Variants in CLASP2 observed in about 807,000 individuals in gnomAD.
The protein encoded by CLASP2 is CLIP-associating protein 2.
Under a neutral mutation model 194.4 loss-of-function variants are expected in CLASP2, and 47 were observed. The observed-to-expected ratio is 0.24, with a 90% confidence interval of 0.19 to 0.31. CLASP2 has a LOEUF of 0.31. CLASP2 is among the 10% of genes least tolerant of loss of function. CLASP2 has a pLI of 1.00. For synonymous variants in CLASP2, 619 were observed against 633.5 expected (o/e 0.98, Z 0.34); for missense variants, 1,445 against 1,823.6 (o/e 0.79, Z 3.78).
At position 33,689,911 on chromosome 3, in the gene CLASP2, C is replaced by G; in HGVS notation, c.296G>C (p.Arg99Thr). The G allele has an allele frequency of 6.3e-7, 1 of 1,592,864 alleles. No individual in the cohort carries two copies. The highest frequency in any genetic ancestry group is 8.5e-7 in the Non-Finnish European group (1 of 1,170,034). ...VAMVIVALID[R>T]MGDAKDKVRD... ...AACCTTGTCTTTGGCATCTCCCATT[C>G]TGTCTATTAAAGCTACAATAACTAA... The change falls in exon 3 of 39, where the codon AGA (arginine) becomes ACA (threonine). Residue 99 changes from arginine to threonine, a missense_variant. Physicochemically the swap from Arg to Thr is moderately conservative, Grantham distance 71 (BLOSUM62 -1). Around this residue, in one of 4 missense-constraint regions of CLASP2, gnomAD observed 332 missense variants for 325.3 expected, o/e 1.02. Transcript: ENST00000682230.
intron 34 of CLASP2, among the ~76,000 whole-genome samples, chr3:33,532,302 T>G (rs1437679510): frequency 1.3e-5 from 2 of 152,150 alleles, no homozygotes; most frequent in African/African-American, 4.8e-5. Context: ...ACTCCACTTA[T>G]AGAGTACTTA....
At chr3:33,558,620 C>A (rs12106734) in intron 29 of CLASP2, 1 of 150,858 alleles carries the variant, frequency 6.6e-6, no homozygotes, top group South Asian at 2.1e-4. Context: ...ATTTAGTTTT[C>A]ATATTAACTG....
At chr3:33,559,689 G>C (rs1034861192) in intron 28 of CLASP2, among the ~76,000 whole-genome samples, 1 of 152,180 alleles carries the variant, frequency 6.6e-6, no homozygotes, top group Admixed American at 6.5e-5. Context: ...GAGGTCAGGA[G>C]TTCGAGACCA....
chr3:33,574,661 T>C (rs2064457884), intron 24 of CLASP2, among the ~76,000 whole-genome samples: 1 of 152,194 alleles, frequency 6.6e-6, no homozygotes, highest in South Asian at 2.1e-4. Flanking sequence ...TCTTTAATCT[T>C]GTCAATATTC....
chr3:33,638,664 G>T (rs764173185), intron 8 of CLASP2, among the ~76,000 whole-genome samples: 10 of 152,112 alleles, frequency 6.6e-5, no homozygotes, highest in Non-Finnish European at 1.3e-4. Flanking sequence ...GAAATGATCA[G>T]TTGATGAAAA....
intron 8 of CLASP2, among the ~76,000 whole-genome samples, chr3:33,634,459 A>G (rs1419431046): frequency 2.0e-5 from 3 of 152,232 alleles, no homozygotes; most frequent in African/African-American, 7.2e-5. Context: ...CTGTGTTTCA[A>G]TAAAACTTTA....
Position 33,635,562 on chromosome 3 carries a change from A to G in CLASP2, c.863-3191T>C, listed in dbSNP as rs548426717. ...TTTTAGTGCAGGGATAGACCAACTA[A>G]CCAAATAAATAAAATGGAAAGTTCA... On this transcript the variant is annotated intron_variant, in intron 8 of 38. Transcript: ENST00000682230. Among the ~76,000 whole-genome samples the G allele has an allele frequency of 2.6e-5, 4 of 152,304 alleles. No homozygotes were observed. The East Asian group carries it at 7.7e-4, about 29-fold the overall frequency.
intron 9 of CLASP2, among the ~76,000 whole-genome samples, chr3:33,628,704 A>G (rs2078501142): frequency 6.6e-6 from 1 of 152,230 alleles, no homozygotes; most frequent in African/African-American, 2.4e-5. Context: ...GGAACTCAGG[A>G]GAGGTCTGGC....
At chr3:33,573,938 T>A (rs2064284083) in intron 24 of CLASP2, among the ~76,000 whole-genome samples, 1 of 152,162 alleles carries the variant, frequency 6.6e-6, no homozygotes, top group South Asian at 2.1e-4. Flanking sequence ...CTACTATTAT[T>A]TTAAGGAGGC....
intron 25 of CLASP2, among the ~76,000 whole-genome samples, chr3:33,571,342 G>T (rs996122707): frequency 6.6e-6 from 1 of 151,614 alleles, no homozygotes; most frequent in African/African-American, 2.4e-5. Context: ...CAAAACAGCT[G>T]CAATGGTCGG....
chr3:33,555,945 A>G (rs1005707066), intron 29 of CLASP2, among the ~76,000 whole-genome samples: 2 of 152,180 alleles, frequency 1.3e-5, no homozygotes, highest in African/African-American at 4.8e-5. Flanking sequence ...TTGAACATGT[A>G]TATTTATTAG....
At chr3:33,522,317 C>T (rs1229026850) in intron 34 of CLASP2, among the ~76,000 whole-genome samples, 2 of 135,926 alleles carry the variant, frequency 1.5e-5, no homozygotes, top group Admixed American at 8.0e-5. Flanking sequence ...GGTACAGGCT[C>T]AGAAAGGATC....
At chr3:33,665,125 A>G (rs72858348) in intron 6 of CLASP2, among the ~76,000 whole-genome samples, 4,177 of 152,016 alleles carry the variant, frequency 0.027, 77 homozygotes, top group Admixed American at 0.064. Flanking sequence ...AGAAAGAAAG[A>G]AAGGAGAGGA....
chr3:33,519,224 A>G (rs1189663570), intron 34 of CLASP2, among the ~76,000 whole-genome samples: 2 of 152,200 alleles, frequency 1.3e-5, no homozygotes, highest in Admixed American at 6.5e-5. Flanking sequence ...AAACTTTTAT[A>G]TGAATCTTTC....
chr3:33,581,914 T>C lies in CLASP2; in HGVS notation c.2254A>G (p.Ile752Val), dbSNP rs2066237958. The C allele has an allele frequency of 6.2e-7, 1 of 1,612,918 alleles. No homozygotes were observed. The highest frequency in any genetic ancestry group is 8.5e-7 in the Non-Finnish European group (1 of 1,179,244). Residue 752 changes from isoleucine to valine, a missense_variant, in exon 23 of 39, where the codon ATT (isoleucine) becomes GTT (valine). Physicochemically the swap from Ile to Val is conservative, Grantham distance 29. Coordinates refer to ENST00000682230, the MANE Select transcript of CLASP2 (RefSeq NM_001365631.1). ...SRLSVARSSRIPRPSVSQGCS... is the reference protein window; with the variant it reads ...SRLSVARSSRVPRPSVSQGCS... ...CCTTGACTCACACTTGGTCGAGGAA[T>C]ACGACTGCTTCGGGCTGGTGTGAAG...
At chr3:33,530,850 C>T (rs983530989) in intron 34 of CLASP2, among the ~76,000 whole-genome samples, 11 of 152,270 alleles carry the variant, frequency 7.2e-5, no homozygotes, top group African/African-American at 2.6e-4. Context: ...TAAATAGAAG[C>T]ACATCCCATT....
intron 1 of CLASP2, among the ~76,000 whole-genome samples, chr3:33,716,336 C>G (rs570909100): frequency 4.1e-4 from 62 of 152,186 alleles, no homozygotes; most frequent in African/African-American, 1.5e-3. Flanking sequence ...AACACAGCAC[C>G]GAGTAGAAGT....
chr3:33,500,640 G>A (rs1037952966), intron 38 of CLASP2, among the ~76,000 whole-genome samples: 1 of 151,952 alleles, frequency 6.6e-6, no homozygotes, highest in East Asian at 1.9e-4. Context: ...CCTAAGTCTC[G>A]AGGTGGTTTA....
intron 36 of CLASP2, among the ~76,000 whole-genome samples, chr3:33,514,030 C>T (rs2050618932): frequency 6.6e-6 from 1 of 152,150 alleles, no homozygotes; most frequent in Non-Finnish European, 1.5e-5. Context: ...CTCTGTCACC[C>T]AGACTGGAAT....
Sources: gnomAD v4.1 joint callset for allele counts (sites outside exome capture counted in the v4.1 genomes callset) on GRCh38, gnomAD v4.1.1 for gene constraint, gnomAD v4.1.1 regional missense constraint, MANE v1.5 for transcripts, NCBI Gene and HGNC (gene_info 2026-07-23, HGNC 2026-07-21) for gene names.